Variants in TTC8 observed in about 807,000 individuals in gnomAD.
TTC8 encodes the protein tetratricopeptide repeat domain 8.
Under a neutral mutation model 72.5 loss-of-function variants are expected in TTC8, and 47 were observed. The ratio of observed to expected loss-of-function variants is 0.65; its 90% CI spans 0.51 to 0.83. The LOEUF is 0.83. Ranked by LOEUF, TTC8 falls within the 40% of genes least tolerant of loss-of-function variation. The pLI is 0.00. For missense variants in TTC8, 611 were observed against 623.2 expected (o/e 0.98, Z 0.21); for synonymous variants, 199 against 221.4 (o/e 0.90, Z 0.90).
chr14:88,871,283 T>C lies in TTC8; in HGVS notation c.1050-266T>C, dbSNP rs1260809223. 2.0e-5 allele frequency among the ~76,000 whole-genome samples: 3 copies of C among 152,360 alleles called. No individual in the cohort carries two copies. Among genetic ancestry groups the C allele is most frequent in the Admixed American group, 1.3e-4 (2 of 15,304 alleles). On this transcript the variant is annotated intron_variant, in intron 11 of 14. Coordinates refer to ENST00000380656, the MANE Select transcript of TTC8 (RefSeq NM_144596.4). The surrounding 1 kb of genome is among the most constrained non-coding windows in gnomAD (Gnocchi z 4.1). The stretch of plus-strand genomic sequence containing the variant: ...GTGACTATTTCTTATTTTGGTTCTC[T>C]AACAAAGCATTTGGGGAGAAAACTT...
At chr14:88,839,723 C>A in intron 3 of TTC8, 151 bp downstream of exon 3, 1 of 922,952 alleles carries the variant, frequency 1.1e-6, no homozygotes, top group Non-Finnish European at 1.6e-6. Flanking sequence ...ACCATTACTT[C>A]AAGTAAATGG....
Position 88,861,289 on chromosome 14 carries a change from C to T in TTC8, c.866C>T (p.Pro289Leu). Reference protein sequence around the residue: ...NLFKQGLDKFPGEVTLLCGIA... With the variant: ...NLFKQGLDKFLGEVTLLCGIA... ...TTCAAACAAGGCTTAGATAAGTTTC[C>T]AGGAGAAGTAACCCTGCTCTGTGGA... Residue 289 changes from proline (P) to leucine (L), a missense_variant, in exon 10 of 15, where the codon CCA (proline) becomes CTA (leucine). Physicochemically the swap from Pro to Leu is moderately conservative, Grantham distance 98 (BLOSUM62 -3). Transcript: ENST00000380656. 1.2e-6 allele frequency: 2 copies of T among 1,612,726 alleles called. No homozygotes were observed.
rs1330891145 is a variant in TTC8 at position 88,829,480 on chromosome 14, T to C, written c.115-4213T>C. 2.0e-5 allele frequency among the ~76,000 whole-genome samples: 3 copies of C among 152,330 alleles called. No homozygotes were observed. The East Asian group carries it at 5.8e-4, about 29-fold the overall frequency. ...TTCATGGCTTTAAAACCAGTCCTGA[T>C]TTTTAGCTCCATTATAATTAAACAG... is the stretch of plus-strand genomic sequence containing the variant. On this transcript the variant is annotated intron_variant, in intron 1 of 14. Coordinates refer to ENST00000380656, the MANE Select transcript of TTC8 (RefSeq NM_144596.4).
At chr14:88,845,485 G>T (rs968393392) in intron 7 of TTC8, among the ~76,000 whole-genome samples, 44 of 152,176 alleles carry the variant, frequency 2.9e-4, no homozygotes, top group African/African-American at 9.9e-4. Flanking sequence ...ATAGAATGTG[G>T]TGTTCATAGA....
At chr14:88,855,061 A>G (rs1156963911) in intron 8 of TTC8, among the ~76,000 whole-genome samples, 1 of 152,120 alleles carries the variant, frequency 6.6e-6, no homozygotes, top group African/African-American at 2.4e-5. Flanking sequence ...TTTACTGCCT[A>G]TGTACTTACG....
At chr14:88,852,881 G>T (rs2094839577) in intron 7 of TTC8, 90 bp from the exon 8 acceptor site, 2 of 1,110,904 alleles carry the variant, frequency 1.8e-6, no homozygotes, top group Non-Finnish European at 2.7e-6. Flanking sequence ...TTTGATTGGT[G>T]CTAATTATAT....
intron 10 of TTC8, among the ~76,000 whole-genome samples, chr14:88,864,458 G>A (rs553726372): frequency 6.6e-6 from 1 of 152,332 alleles, no homozygotes; most frequent in African/African-American, 2.4e-5. Context: ...GACAGGAAGT[G>A]CTAGCAGAAA....
intron 9 of TTC8, 34 bp downstream of exon 9, chr14:88,857,311 T>C (rs1009785603): frequency 6.4e-7 from 1 of 1,566,118 alleles, no homozygotes; most frequent in Admixed American, 1.7e-5. Context: ...AAATCTGCCT[T>C]CTCAGAATAA....
rs575952395 is a variant in TTC8, at chr14:88,872,382, A to G, written c.1277A>G (p.Asn426Ser). The change falls in exon 13 of 15, where the codon AAC (asparagine) becomes AGC (serine). Residue 426 changes from asparagine (N) to serine (S), a missense_variant. Coordinates refer to ENST00000380656, the MANE Select transcript of TTC8 (RefSeq NM_144596.4). Reference sequence around the variant, plus strand: ...CAGTGCTTCAGGCTGGCTCTGGTCAACAACAACAACCACGCCGAGGCCTAC... The same window carrying G: ...CAGTGCTTCAGGCTGGCTCTGGTCAGCAACAACAACCACGCCGAGGCCTAC... ...AHQCFRLALV[N>S]NNNHAEAYNN... The G allele has an allele frequency of 6.2e-6, 10 of 1,613,220 alleles. No homozygotes were observed. In the East Asian group the frequency reaches 1.6e-4, roughly 25 times the overall value.
chr14:88,852,848 T>G, intron 7 of TTC8, 123 bp from the exon 8 acceptor site: 2 of 846,510 alleles, frequency 2.4e-6, no homozygotes, highest in South Asian at 2.9e-5. Context: ...AACTTGAGTT[T>G]CTGTCGGATT....
intron 9 of TTC8, among the ~76,000 whole-genome samples, chr14:88,858,387 TG>T (rs2094867197): frequency 6.6e-6 from 1 of 152,074 alleles, no homozygotes; most frequent in Non-Finnish European, 1.5e-5. Flanking sequence ...AATTAAAAAA[TG>T]TGGTAAAGGA....
At chr14:88,840,951 C>G (rs761842204) in intron 4 of TTC8, 23 bp downstream of exon 4, 6 of 1,613,952 alleles carry the variant, frequency 3.7e-6, no homozygotes, top group African/African-American at 1.3e-5. Context: ...GCTTCATAAC[C>G]TCTGCCACTA....
At chr14:88,844,193 G>T (rs1458733766) in intron 7 of TTC8, among the ~76,000 whole-genome samples, 1 of 152,086 alleles carries the variant, frequency 6.6e-6, no homozygotes, top group Non-Finnish European at 1.5e-5. Context: ...TATATTATAG[G>T]TTTACTAACA....
intron 9 of TTC8, 75 bp downstream of exon 9, chr14:88,857,352 A>G (rs1251779004): frequency 8.1e-7 from 1 of 1,230,298 alleles, no homozygotes; most frequent in African/African-American, 1.5e-5. Context: ...GCATGGGGAG[A>G]GTAAACAGCT....
At chr14:88,859,144 A>T (rs987568184) in intron 9 of TTC8, among the ~76,000 whole-genome samples, 4 of 152,082 alleles carry the variant, frequency 2.6e-5, no homozygotes, top group African/African-American at 9.7e-5. Flanking sequence ...TTTTTCTTTA[A>T]TGTATGAATG....
intron 14 of TTC8, among the ~76,000 whole-genome samples, chr14:88,876,118 A>G (rs1430097011): frequency 6.6e-6 from 1 of 152,158 alleles, no homozygotes; most frequent in Non-Finnish European, 1.5e-5. Context: ...TCAGATTCAC[A>G]CCCAGATCCC....
At chr14:88,839,328 T>C in intron 2 of TTC8, 124 bp from the exon 3 acceptor site, 1 of 945,130 alleles carries the variant, frequency 1.1e-6, no homozygotes, top group South Asian at 1.8e-5. Flanking sequence ...TAAAATAATG[T>C]GTTAAGAGGT....
At chr14:88,831,226 C>T (rs868203013) in intron 1 of TTC8, among the ~76,000 whole-genome samples, 1 of 152,314 alleles carries the variant, frequency 6.6e-6, no homozygotes, top group African/African-American at 2.4e-5. Flanking sequence ...GGCAATGACC[C>T]AGAAGTTACC....
At chr14:88,825,346 T>G (rs2094694398) in intron 1 of TTC8, among the ~76,000 whole-genome samples, 1 of 152,076 alleles carries the variant, frequency 6.6e-6, no homozygotes, top group Non-Finnish European at 1.5e-5. Context: ...ATATGCAAAT[T>G]AGAAGAATGA....
Sources: gnomAD v4.1 joint callset for allele counts (sites outside exome capture counted in the v4.1 genomes callset) on GRCh38, gnomAD v4.1.1 for gene constraint, Gnocchi (gnomAD v3.1) non-coding constraint, MANE v1.5 for transcripts, NCBI Gene and HGNC (gene_info 2026-07-23, HGNC 2026-07-21) for gene names.